C1orf94: variants seen among roughly 807,000 people sequenced by gnomAD.
C1orf94 encodes uncharacterized protein C1orf94.
C1orf94 carries 45 observed loss-of-function variants against 53.6 expected under a neutral mutation model. That is an observed-to-expected ratio of 0.84 (90% CI 0.66 to 1.08). The LOEUF (loss-of-function observed/expected upper bound fraction) is 1.08, where lower values mean the gene tolerates loss of function less well. Ranked by LOEUF, C1orf94 falls within the 50% of genes least tolerant of loss-of-function variation. The pLI is 0.00. For missense variants in C1orf94, 762 were observed against 738.9 expected (o/e 1.03, Z -0.36); for synonymous variants, 304 against 296.1 (o/e 1.03, Z -0.27).
chr1:34,185,179 T>A lies in C1orf94; in HGVS notation c.320+7070T>A, dbSNP rs572947176. Among the ~76,000 whole-genome samples the A allele has an allele frequency of 3.7e-3, 565 of 152,134 alleles. 1 individual carries two copies. Among genetic ancestry groups the A allele is most frequent in the African/African-American group, 0.013 (523 of 41,512 alleles). ...CTCTCTCTTTATTTTACTTTATTTT[T>A]AAATTTATTTTTATTTTTTAGATGG... is the stretch of plus-strand genomic sequence containing the variant. On this transcript the variant is annotated intron_variant, in intron 1 of 6. Coordinates refer to ENST00000488417, the MANE Select transcript of C1orf94 (RefSeq NM_001134734.2).
At chr1:34,199,732 A>T (rs1445234953) in intron 2 of C1orf94, among the ~76,000 whole-genome samples, 1 of 152,188 alleles carries the variant, frequency 6.6e-6, no homozygotes, top group African/African-American at 2.4e-5. Context: ...TGGGAGAATA[A>T]ATGCTCAGTC....
At chr1:34,205,490 C>T (rs1026672305) in intron 4 of C1orf94, among the ~76,000 whole-genome samples, 4 of 152,308 alleles carry the variant, frequency 2.6e-5, no homozygotes, top group East Asian at 1.9e-4. Context: ...GTTAGCTGCT[C>T]AGAGCCATGG....
In C1orf94 at chr1:34,218,706, G is replaced by A. The variant is rs768638666; in HGVS notation, c.1742G>A (p.Gly581Glu). 3 of 1,611,868 alleles carry A rather than the reference G, an allele frequency of 1.9e-6. No homozygotes were observed. The highest frequency in any genetic ancestry group is 2.2e-5 in the South Asian group (2 of 90,740). ...TCCAGGTTCGGCTCGACATCCGGAG[G>A]GCCCTTGATGCACAGCCCCTATTTT... Reference protein sequence around the residue: ...QGYGFGSTSGGPLMHSPYFSS... With the variant: ...QGYGFGSTSGEPLMHSPYFSS... The change falls in exon 7 of 7, where the codon GGG becomes GAG. Residue 581 changes from glycine to glutamate, a missense_variant. Transcript: ENST00000488417.
At chr1:34,176,181 T>C (rs1037815127), upstream of C1orf94, among the ~76,000 whole-genome samples, 2 of 152,116 alleles carry the variant, frequency 1.3e-5, no homozygotes, top group African/African-American at 2.4e-5. Context: ...CAGAAAGTTC[T>C]TAAGGTCACA....
chr1:34,200,637 AAG>A, intron 2 of C1orf94, 133 bp from the exon 3 acceptor site: 1 of 1,225,242 alleles, frequency 8.2e-7, no homozygotes, highest in Non-Finnish European at 1.1e-6. Context: ...ATTTGGCTGA[AAG>A]AGAGTCCCCC....
chr1:34,218,562 A>C (rs1056308685), intron 6 of C1orf94, 124 bp from the exon 7 acceptor site: 1 of 624,470 alleles, frequency 1.6e-6, no homozygotes, highest in Non-Finnish European at 2.5e-6. Context: ...CAAAGCCTTT[A>C]CCCTCCAAGC....
At chr1:34,173,540 C>A (rs1642178221), upstream of C1orf94, among the ~76,000 whole-genome samples, 1 of 152,140 alleles carries the variant, frequency 6.6e-6, no homozygotes, top group Non-Finnish European at 1.5e-5. Flanking sequence ...CTTAGGCCTT[C>A]CTGGTTCCAC....
chr1:34,202,802 G>A (rs898712879), intron 4 of C1orf94, among the ~76,000 whole-genome samples: 14 of 152,156 alleles, frequency 9.2e-5, no homozygotes, highest in Non-Finnish European at 1.8e-4. Flanking sequence ...ACAAATTACA[G>A]TCAGCCCTCT....
Position 34,219,116 on chromosome 1 carries a change from T to C in C1orf94, c.*355T>C, listed in dbSNP as rs1643041760. The C allele has an allele frequency of 6.2e-6, 1 of 160,858 alleles. No individual in the cohort carries two copies. The highest frequency in any genetic ancestry group is 2.4e-5 in the African/African-American group (1 of 41,744). 10.0% of individuals were successfully genotyped at this position (160,858 alleles called of 1,614,324 possible). ...GAAAGTTTGTATTTTATGATAAAAGTATGAGCTACTTGAAATGGAGTGTGC... is the reference window on the plus strand; with the variant it reads ...GAAAGTTTGTATTTTATGATAAAAGCATGAGCTACTTGAAATGGAGTGTGC... On this transcript the variant is annotated 3_prime_UTR_variant, in exon 7 of 7. Transcript: ENST00000488417.
chr1:34,204,337 G>A (rs1320813188), intron 4 of C1orf94, among the ~76,000 whole-genome samples: 1 of 152,154 alleles, frequency 6.6e-6, no homozygotes, highest in Non-Finnish European at 1.5e-5. Flanking sequence ...TTGTTTGTGT[G>A]TGTGTTTGCT....
intron 1 of C1orf94, among the ~76,000 whole-genome samples, chr1:34,188,204 G>A (rs1244610825): frequency 6.6e-6 from 1 of 152,162 alleles, no homozygotes; most frequent in African/African-American, 2.4e-5. Flanking sequence ...AAGGTTCTCT[G>A]ATACTTTGGA....
In C1orf94 at chr1:34,177,962, C is replaced by A; in HGVS notation, c.173C>A (p.Pro58His). The change falls in exon 1 of 7, where the codon CCC becomes CAC. Residue 58 changes from proline (P) to histidine (H), a missense_variant. Pro to His is a moderately conservative substitution (Grantham distance 77). Transcript: ENST00000488417. ...TACATCTGGATCCACCAGGACACAC[C>A]CCAAGACAGCCTAGACAAGACTTGC... ...PRYIWIHQDT[P>H]QDSLDKTCHE... The A allele has an allele frequency of 6.4e-7, 1 of 1,551,724 alleles. No individual in the cohort carries two copies. The highest frequency in any genetic ancestry group is 8.7e-7 in the Non-Finnish European group (1 of 1,147,004).
At chr1:34,193,061 A>G (rs1410787990) in intron 1 of C1orf94, among the ~76,000 whole-genome samples, 1 of 152,172 alleles carries the variant, frequency 6.6e-6, no homozygotes, top group African/African-American at 2.4e-5. Flanking sequence ...ATAAATAAGA[A>G]CAAGCAGATC....
intron 1 of C1orf94, among the ~76,000 whole-genome samples, chr1:34,185,502 A>G (rs1057214103): frequency 4.6e-5 from 7 of 151,988 alleles, no homozygotes; most frequent in Non-Finnish European, 1.0e-4. Context: ...GAGCTTCCCA[A>G]TGCTGGGTCT....
chr1:34,216,438 C>G lies in C1orf94; in HGVS notation c.1722-2248C>G, dbSNP rs929831279. ...AAATGGGAAAGTGGAGTGCAGGAAG[C>G]CAAGTGAAGAAAGTGTTTCCTGAAC... On this transcript the variant is annotated intron_variant, in intron 6 of 6. Transcript: ENST00000488417. Among the ~76,000 whole-genome samples, 5 of 151,948 alleles carry G rather than the reference C, an allele frequency of 3.3e-5. No individual in the cohort carries two copies. In the South Asian group the frequency reaches 1.0e-3, roughly 32 times the overall value.
chr1:34,169,145 A>G (rs1642097368), intron 1 of C1orf94, among the ~76,000 whole-genome samples: 3 of 152,306 alleles, frequency 2.0e-5, no homozygotes, highest in Admixed American at 2.0e-4. Flanking sequence ...AAGGGTAAGA[A>G]AGGAAAGGGT....
At position 34,197,844 on chromosome 1, in the gene C1orf94, C is replaced by A; in HGVS notation, c.940C>A (p.Leu314Ile). 1 of 1,614,210 alleles carries A rather than the reference C, an allele frequency of 6.2e-7. No individual in the cohort carries two copies. Among genetic ancestry groups the A allele is most frequent in the Non-Finnish European group, 8.5e-7 (1 of 1,180,030 alleles). Residue 314 changes from leucine to isoleucine, a missense_variant, in exon 2 of 7, where the codon CTC becomes ATC. Coordinates refer to ENST00000488417, the MANE Select transcript of C1orf94 (RefSeq NM_001134734.2). This position sits in a 1 kb window ranked among gnomAD's most constrained non-coding sequence, Gnocchi z 4.1. ...LPELPAQKRQ[L>I]PVFAKICSKP... Reference sequence around the variant, plus strand: ...TGAGCTCCCTGCTCAGAAGAGGCAGCTCCCAGTGTTTGCCAAGATCTGTTC... The same window carrying A: ...TGAGCTCCCTGCTCAGAAGAGGCAGATCCCAGTGTTTGCCAAGATCTGTTC...
intron 5 of C1orf94, among the ~76,000 whole-genome samples, chr1:34,211,180 C>T (rs1642883467): frequency 6.6e-6 from 1 of 152,070 alleles, no homozygotes; most frequent in Non-Finnish European, 1.5e-5. Context: ...ATGTAGTGCT[C>T]ATTAGGTAAC....
chr1:34,215,016 A>T (rs1468744107), intron 6 of C1orf94, among the ~76,000 whole-genome samples: 1 of 152,192 alleles, frequency 6.6e-6, no homozygotes, highest in Non-Finnish European at 1.5e-5. Context: ...AAGTGAACGA[A>T]AAAAAGGTTT....
Sources: gnomAD v4.1 joint callset for allele counts (sites outside exome capture counted in the v4.1 genomes callset) on GRCh38, gnomAD v4.1.1 for gene constraint, Gnocchi (gnomAD v3.1) non-coding constraint, MANE v1.5 for transcripts, NCBI Gene and HGNC (gene_info 2026-07-23, HGNC 2026-07-21) for gene names.